KCNH1: variants seen among roughly 807,000 people sequenced by gnomAD.
KCNH1 encodes the protein potassium voltage-gated channel subfamily H member 1, also known as voltage-gated delayed rectifier potassium channel KCNH1.
KCNH1 carries 27 observed loss-of-function variants against 69.2 expected under a neutral mutation model. The observed-to-expected ratio is 0.39, with a 90% confidence interval of 0.29 to 0.54. The LOEUF is 0.54. Among genes scored for constraint, KCNH1 ranks in the 20% least tolerant of loss-of-function variants. The probability of loss-of-function intolerance (pLI) is 0.68; values close to 1 mark genes in which losing one functional copy is unlikely to be tolerated. For synonymous variants in KCNH1, 456 were observed against 487.7 expected (o/e 0.93, Z 0.86); for missense variants, 798 against 1,261.6 (o/e 0.63, Z 5.57).
At chr1:210,976,430 G>A (rs1368229530) in intron 6 of KCNH1, among the ~76,000 whole-genome samples, 12 of 147,876 alleles carry the variant, frequency 8.1e-5, no homozygotes, top group Middle Eastern at 3.6e-3. Context: ...TTGGAATGGC[G>A]ATTATTAAAA....
chr1:210,860,304 A>C, intron 7 of KCNH1: 1 of 1,348,062 alleles, frequency 7.4e-7, no homozygotes, highest in Non-Finnish European at 1.1e-6. Context: ...ATGTCAGGCT[A>C]TGCGCTAAAG....
chr1:211,025,729 G>C (rs74913888), intron 5 of KCNH1, among the ~76,000 whole-genome samples: 1 of 152,034 alleles, frequency 6.6e-6, no homozygotes, highest in African/African-American at 2.4e-5. Flanking sequence ...TCCTGGCTTC[G>C]ACAGAATCCA....
At chr1:211,107,069 C>A (rs1205426706) in intron 2 of KCNH1, among the ~76,000 whole-genome samples, 185 bp downstream of exon 2, 1 of 152,148 alleles carries the variant, frequency 6.6e-6, no homozygotes, top group Non-Finnish European at 1.5e-5. Flanking sequence ...GTTGTGGGAA[C>A]TATGTTTTAC....
At position 210,683,707 on chromosome 1, in the gene KCNH1, C is replaced by T; in HGVS notation, c.2544G>A (p.Glu848=). 1 of 1,614,230 alleles carries T rather than the reference C, an allele frequency of 6.2e-7. No individual in the cohort carries two copies. The highest frequency in any genetic ancestry group is 1.7e-5 in the Admixed American group (1 of 60,028). ...ARFKDACGKS[E]DWNKVSKAES... ...CAGCCTTGGACACCTTGTTCCAGTC[C>T]TCACTCTTCCCGCAAGCATCTTTGA... The change falls in exon 11 of 11, where the codon GAG becomes GAA. Residue 848 remains glutamate (E), a synonymous_variant. Transcript: ENST00000271751. The surrounding 1 kb of genome is among the most constrained non-coding windows in gnomAD (Gnocchi z 5.7).
intron 10 of KCNH1, among the ~76,000 whole-genome samples, chr1:210,760,340 A>G (rs1203284310): frequency 2.0e-5 from 3 of 152,246 alleles, no homozygotes; most frequent in African/African-American, 7.2e-5. Flanking sequence ...GACTAAGAAC[A>G]GACTTCTCAG....
rs1037280885 is a variant in KCNH1, at chr1:210,819,146, TA to T, written c.1463-14981del. ...TAATGCTAACTGGGTACTAATGATT[TA>T]AAAAAAAATAGGAGGAAGAGTTAAT... On this transcript the variant is annotated intron_variant, in intron 7 of 10. Transcript: ENST00000271751. Among the ~76,000 whole-genome samples, 12 of 151,088 alleles carry T rather than the reference TA, an allele frequency of 7.9e-5. No homozygotes were observed. In the South Asian group the frequency reaches 2.1e-3, roughly 26 times the overall value.
At chr1:210,739,154 A>C (rs977506450) in intron 10 of KCNH1, among the ~76,000 whole-genome samples, 1 of 152,208 alleles carries the variant, frequency 6.6e-6, no homozygotes, top group Admixed American at 6.5e-5. Flanking sequence ...TATTAAAAAT[A>C]ATATTGACAG....
chr1:210,894,980 TCTGA>T (rs1686832888), intron 7 of KCNH1, among the ~76,000 whole-genome samples: 2 of 152,214 alleles, frequency 1.3e-5, no homozygotes, highest in Admixed American at 6.5e-5. Flanking sequence ...TTCCTCAGAT[TCTGA>T]CTGAGTTCTC....
intron 6 of KCNH1, among the ~76,000 whole-genome samples, chr1:210,990,661 T>C (rs1688920943): frequency 6.6e-6 from 1 of 152,182 alleles, no homozygotes; most frequent in African/African-American, 2.4e-5. Context: ...AACTTTAGTT[T>C]ACTCAACAGC....
At chr1:210,967,228 T>C (rs943396244) in intron 6 of KCNH1, among the ~76,000 whole-genome samples, 1 of 152,096 alleles carries the variant, frequency 6.6e-6, no homozygotes, top group Admixed American at 6.6e-5. Flanking sequence ...ATGTAGATCA[T>C]GGGCTGATGG....
chr1:210,959,143 T>A (rs1160870552), intron 6 of KCNH1, among the ~76,000 whole-genome samples: 2 of 152,236 alleles, frequency 1.3e-5, no homozygotes, highest in African/African-American at 4.8e-5. Flanking sequence ...CCTTTCTGTT[T>A]GTTAGTTTTC....
At chr1:210,716,907 A>G (rs565973156) in intron 10 of KCNH1, among the ~76,000 whole-genome samples, 1 of 152,316 alleles carries the variant, frequency 6.6e-6, no homozygotes, top group Admixed American at 6.5e-5. Flanking sequence ...TAGCAACAAT[A>G]ATCATCAAAA....
intron 10 of KCNH1, among the ~76,000 whole-genome samples, chr1:210,757,830 C>T (rs1308633969): frequency 1.3e-5 from 2 of 152,250 alleles, no homozygotes; most frequent in Non-Finnish European, 2.9e-5. Context: ...ATACCATCAG[C>T]TATCAAGCCC....
chr1:210,706,824 G>C (rs1016370412), intron 10 of KCNH1, among the ~76,000 whole-genome samples: 5 of 152,218 alleles, frequency 3.3e-5, no homozygotes, highest in Non-Finnish European at 5.9e-5. Flanking sequence ...GAAAACTAAG[G>C]CTCAAGGATA....
intron 10 of KCNH1, among the ~76,000 whole-genome samples, chr1:210,719,766 A>G (rs1682408476): frequency 6.6e-6 from 1 of 152,226 alleles, no homozygotes; most frequent in Non-Finnish European, 1.5e-5. Context: ...AATAAGATGA[A>G]TAATTTAACT....
rs142474129 is a variant in KCNH1, at chr1:211,061,912, T to C, written c.558+20868A>G. 2.1e-3 allele frequency among the ~76,000 whole-genome samples: 318 copies of C among 152,260 alleles called. 2 individuals are homozygous for C. The highest frequency in any genetic ancestry group is 8.5e-3 in the South Asian group (41 of 4,822). ...TACCCAAAGCAATCTACAAATTCAATGCAATCCCTATTAAAATACTAATGG... is the reference window on the plus strand; with the variant it reads ...TACCCAAAGCAATCTACAAATTCAACGCAATCCCTATTAAAATACTAATGG... On this transcript the variant is annotated intron_variant, in intron 5 of 10. Coordinates refer to ENST00000271751, the MANE Select transcript of KCNH1 (RefSeq NM_172362.3).
chr1:211,087,643 A>ACGCG (rs1690980997), intron 4 of KCNH1, among the ~76,000 whole-genome samples: 2 of 141,196 alleles, frequency 1.4e-5, no homozygotes, highest in African/African-American at 5.7e-5. Flanking sequence ...ACACACGCAC[A>ACGCG]CACACACACA....
At chr1:210,956,827 C>G (rs1326053372) in intron 6 of KCNH1, among the ~76,000 whole-genome samples, 1 of 151,916 alleles carries the variant, frequency 6.6e-6, no homozygotes, top group East Asian at 1.9e-4. Flanking sequence ...GTCTTGCCAG[C>G]TGTCTATCAA....
chr1:211,031,720 C>A (rs912367541), intron 5 of KCNH1, among the ~76,000 whole-genome samples: 1 of 152,170 alleles, frequency 6.6e-6, no homozygotes, highest in Non-Finnish European at 1.5e-5. Flanking sequence ...ACCCTTCCTG[C>A]TAAAAACTCT....
Sources: allele counts gnomAD v4.1 joint callset (sites outside exome capture counted in the v4.1 genomes callset), GRCh38; gene constraint gnomAD v4.1.1; non-coding constraint Gnocchi (gnomAD v3.1); transcripts MANE v1.5; gene names NCBI Gene and HGNC (gene_info 2026-07-23, HGNC 2026-07-21).